RAB14: variants seen among roughly 807,000 people sequenced by gnomAD.
The protein encoded by RAB14 is ras-related protein Rab-14.
Under a neutral mutation model 31.1 loss-of-function variants are expected in RAB14, and 3 were observed. The observed-to-expected ratio is 0.10, with a 90% confidence interval of 0.04 to 0.25. The LOEUF is 0.25. Among genes scored for constraint, RAB14 ranks in the 10% least tolerant of loss-of-function variants. The pLI, the probability that RAB14 is intolerant of heterozygous loss-of-function variation, is 1.00. For synonymous variants in RAB14, 85 were observed against 84.9 expected (o/e 1.00, Z 0.00); for missense variants, 111 against 260.1 (o/e 0.43, Z 3.94).
rs2053613523 is a variant in RAB14, at chr9:121,178,704, A to AT, written c.*2691_*2692insA. 1.3e-5 allele frequency: 2 copies of AT among 152,486 alleles called. No individual in the cohort carries two copies. Among genetic ancestry groups the AT allele is most frequent in the East Asian group, 1.9e-4 (1 of 5,194 alleles). The allele number at this position is 152,486 out of a possible 1,614,324, so 9.4% of individuals were successfully genotyped here. On this transcript the variant is annotated 3_prime_UTR_variant, in exon 8 of 8. Coordinates refer to ENST00000373840, the MANE Select transcript of RAB14 (RefSeq NM_016322.4). ...AACCACCAACCAAAAAAAAATAATA[A>AT]GTTACTCCATCAAACACGTTATTAT... is the stretch of plus-strand genomic sequence containing the variant.
At position 121,181,346 on chromosome 9, in the gene RAB14, C is replaced by G. The variant is rs1366705381; in HGVS notation, c.*50G>C. ...AATGAGGCAGTAAAAAGTACTGCTT[C>G]CAACAGACAGAGGTGAAAGGTCAAA... On this transcript the variant is annotated 3_prime_UTR_variant, in exon 8 of 8. Coordinates refer to ENST00000373840, the MANE Select transcript of RAB14 (RefSeq NM_016322.4). 2 of 1,483,828 alleles carry G rather than the reference C, an allele frequency of 1.3e-6. No individual in the cohort carries two copies. The highest frequency in any genetic ancestry group is 4.6e-5 in the East Asian group (2 of 43,324). The allele number at this position is 1,483,828 out of a possible 1,614,324, so 91.9% of individuals were successfully genotyped here.
chr9:121,195,190 ATC>A (rs1054097001), intron 1 of RAB14, among the ~76,000 whole-genome samples: 2 of 152,142 alleles, frequency 1.3e-5, no homozygotes, highest in African/African-American at 4.8e-5. Flanking sequence ...GGGAAAAGTA[ATC>A]TCTTACATTA....
Position 121,201,790 on chromosome 9 carries a change from G to A in RAB14, c.-159C>T, listed in dbSNP as rs947623365. ...GCAGGCCGAGAGGTGCAGACGCGCC[G>A]GCAGCAGTAGCGGCAGTAGCAGTGG... On this transcript the variant is annotated 5_prime_UTR_variant, in exon 1 of 8. Coordinates refer to ENST00000373840, the MANE Select transcript of RAB14 (RefSeq NM_016322.4). 2 of 152,536 alleles carry A rather than the reference G, an allele frequency of 1.3e-5. No homozygotes were observed. Among genetic ancestry groups the A allele is most frequent in the Non-Finnish European group, 2.9e-5 (2 of 68,324 alleles). The allele number at this position is 152,536 out of a possible 1,614,324, so 9.4% of individuals were successfully genotyped here.
chr9:121,187,843 A>C (rs899734118), intron 4 of RAB14, among the ~76,000 whole-genome samples: 1 of 152,078 alleles, frequency 6.6e-6, no homozygotes, highest in African/African-American at 2.4e-5. Flanking sequence ...GACTCACAGA[A>C]TGTTAGTCTA....
rs1485631810 is a variant in RAB14, at chr9:121,178,804, T to A, written c.*2592A>T. ...TAGTACTAAGCACCAATTACTAATC[T>A]GAAGGCCTCCTCACAGGTCCAAGGG... On this transcript the variant is annotated 3_prime_UTR_variant, in exon 8 of 8. Coordinates refer to ENST00000373840, the MANE Select transcript of RAB14 (RefSeq NM_016322.4). The A allele has an allele frequency of 6.6e-6, 1 of 152,210 alleles. No homozygotes were observed. The highest frequency in any genetic ancestry group is 2.1e-4 in the South Asian group (1 of 4,830). The allele number at this position is 152,210 out of a possible 1,614,324, so 9.4% of individuals were successfully genotyped here. A position where few individuals can be genotyped will look rare whatever the true frequency, so the allele number is the denominator to read the frequency against.
intron 4 of RAB14, among the ~76,000 whole-genome samples, 155 bp downstream of exon 4, chr9:121,190,399 C>G (rs1290463632): frequency 6.6e-6 from 1 of 152,040 alleles, no homozygotes; most frequent in African/African-American, 2.4e-5. Flanking sequence ...TGTGTTATAT[C>G]AAGTTTTACA....
At chr9:121,198,330 A>T (rs1209503416) in intron 1 of RAB14, among the ~76,000 whole-genome samples, 1 of 152,244 alleles carries the variant, frequency 6.6e-6, no homozygotes, top group Non-Finnish European at 1.5e-5. Flanking sequence ...TATCTTATGA[A>T]GCCAATAATA....
At chr9:121,183,097 T>G in intron 6 of RAB14, 137 bp from the exon 7 acceptor site, 1 of 870,318 alleles carries the variant, frequency 1.1e-6, no homozygotes, top group East Asian at 2.6e-5. Context: ...TATGTAAGTT[T>G]GAGGTGGAGA....
At chr9:121,197,370 C>G (rs1396593823) in intron 1 of RAB14, among the ~76,000 whole-genome samples, 1 of 152,066 alleles carries the variant, frequency 6.6e-6, no homozygotes, top group East Asian at 1.9e-4. Flanking sequence ...GAAAATATAC[C>G]ATTTTTCACC....
Position 121,190,557 on chromosome 9 carries a change from G to A in RAB14, c.281C>T (p.Thr94Ile), listed in dbSNP as rs755427270. 1 of 1,595,568 alleles carries A rather than the reference G, an allele frequency of 6.3e-7. No homozygotes were observed. The highest frequency in any genetic ancestry group is 8.5e-7 in the Non-Finnish European group (1 of 1,170,276). The change falls in exon 4 of 8, where the codon ACT (threonine) becomes ATT (isoleucine). Residue 94 changes from threonine (T) to isoleucine (I), a missense_variant. Thr to Ile is a moderately conservative substitution (Grantham distance 89, BLOSUM62 -1). Coordinates refer to ENST00000373840, the MANE Select transcript of RAB14 (RefSeq NM_016322.4). ...AGGTTGAAAAATTATCTCTTACCTAGTGATATCATAGACCATAAGAGCTCC... is the reference window on the plus strand; with the variant it reads ...AGGTTGAAAAATTATCTCTTACCTAATGATATCATAGACCATAAGAGCTCC... ...AAGALMVYDITRRSTYNHLSS... is the reference protein window; with the variant it reads ...AAGALMVYDIIRRSTYNHLSS...
At chr9:121,184,893 G>T (rs777760252) in intron 5 of RAB14, among the ~76,000 whole-genome samples, 1 of 152,172 alleles carries the variant, frequency 6.6e-6, no homozygotes, top group Non-Finnish European at 1.5e-5. Context: ...TTACAAGATA[G>T]GTACTCAAAA....
chr9:121,181,792 G>A (rs761531349), intron 7 of RAB14, among the ~76,000 whole-genome samples: 15 of 124,312 alleles, frequency 1.2e-4, no homozygotes, highest in Non-Finnish European at 2.2e-4. Flanking sequence ...TCTGTCACCA[G>A]GCTGGAGTGC....
At chr9:121,184,004 G>A (rs1407338327) in intron 5 of RAB14, among the ~76,000 whole-genome samples, 1 of 152,146 alleles carries the variant, frequency 6.6e-6, no homozygotes, top group Non-Finnish European at 1.5e-5. Context: ...AAGCCACTAG[G>A]TTCAACTCCT....
At chr9:121,198,233 G>A (rs970029697) in intron 1 of RAB14, among the ~76,000 whole-genome samples, 2 of 152,024 alleles carry the variant, frequency 1.3e-5, no homozygotes, top group Non-Finnish European at 2.9e-5. Flanking sequence ...TTTAATACAG[G>A]TTAAAGAATA....
intron 4 of RAB14, among the ~76,000 whole-genome samples, chr9:121,189,007 G>C (rs1344102430): frequency 6.6e-6 from 1 of 151,956 alleles, no homozygotes; most frequent in African/African-American, 2.4e-5. Flanking sequence ...AAATTTACCA[G>C]AATATAAATT....
In RAB14 at chr9:121,181,391, G is replaced by GGTCA; in HGVS notation, c.*1_*4dup. On this transcript the variant is annotated 3_prime_UTR_variant, in exon 8 of 8. Transcript: ENST00000373840. ...GTCAAATGAGGGGCCACAGCAAAGAGGTCACTAGCAGCCACAGCCTTCTCT... is the reference window on the plus strand; with the variant it reads ...GTCAAATGAGGGGCCACAGCAAAGAGGTCAGTCACTAGCAGCCACAGCCTTCTCT... 6.3e-7 allele frequency: 1 copy of GGTCA among 1,590,572 alleles called. No homozygotes were observed. Among genetic ancestry groups the GGTCA allele is most frequent in the South Asian group, 1.1e-5 (1 of 89,342 alleles).
chr9:121,182,966 A>T lies in RAB14; in HGVS notation c.440-6T>A. ...CGCTTCGAGGAACAATAAGCCTAAAAATAAAATTCAGACTATAATTAGGAC... is the reference window on the plus strand; with the variant it reads ...CGCTTCGAGGAACAATAAGCCTAAATATAAAATTCAGACTATAATTAGGAC... On this transcript the variant is annotated splice_region_variant and splice_polypyrimidine_tract_variant and intron_variant, in intron 6 of 7. Transcript: ENST00000373840. 1.2e-6 allele frequency: 2 copies of T among 1,604,670 alleles called. No individual in the cohort carries two copies. Among genetic ancestry groups the T allele is most frequent in the South Asian group, 2.2e-5 (2 of 90,030 alleles).
At chr9:121,194,168 C>T (rs1052321911) in intron 1 of RAB14, among the ~76,000 whole-genome samples, 47 of 151,490 alleles carry the variant, frequency 3.1e-4, no homozygotes, top group African/African-American at 1.1e-3. Context: ...TCTTGAACTC[C>T]TGGCCTTAAG....
chr9:121,182,857 A>G, intron 7 of RAB14, 73 bp downstream of exon 7: 1 of 1,328,260 alleles, frequency 7.5e-7, no homozygotes, highest in Non-Finnish European at 1.1e-6. Context: ...TACATTATAT[A>G]CTTTTCATAT....
Sources: allele counts gnomAD v4.1 joint callset (sites outside exome capture counted in the v4.1 genomes callset), GRCh38; gene constraint gnomAD v4.1.1; transcripts MANE v1.5; gene names NCBI Gene and HGNC (gene_info 2026-07-23, HGNC 2026-07-21).